CORO2B: variants seen among roughly 807,000 people sequenced by gnomAD.
The protein encoded by CORO2B is coronin-2B.
Under a neutral mutation model 58.8 loss-of-function variants are expected in CORO2B, and 26 were observed. That is an observed-to-expected ratio of 0.44 (90% CI 0.32 to 0.61). The LOEUF is 0.61. Ranked by LOEUF, CORO2B falls within the 20% of genes least tolerant of loss-of-function variation. The pLI, the probability that CORO2B is intolerant of heterozygous loss-of-function variation, is 0.04. For missense variants in CORO2B, 460 were observed against 645.1 expected, an observed-to-expected ratio of 0.71 and a Z score of 3.11; for synonymous variants, 242 against 253.8, an observed-to-expected ratio of 0.95 and a Z score of 0.44.
chr15:68,570,125 T>C, the CORO2B span, among the ~76,000 whole-genome samples: 1 of 152,220 alleles, frequency 6.6e-6, no homozygotes, highest in Non-Finnish European at 1.5e-5. Context: ...CATATGTAGA[T>C]GACTAGGTGG....
At chr15:68,696,202 A>G (rs1350306314) in intron 3 of CORO2B, among the ~76,000 whole-genome samples, 1 of 150,462 alleles carries the variant, frequency 6.6e-6, no homozygotes, top group Admixed American at 6.7e-5. Context: ...GTGAGCTGTG[A>G]TTGTGCCACT....
intron 6 of CORO2B, 84 bp from the exon 7 acceptor site, chr15:68,714,475 C>A: frequency 2.0e-6 from 2 of 1,001,420 alleles, no homozygotes; most frequent in Non-Finnish European, 3.2e-6. Context: ...AAAGTAGTTG[C>A]CATCCTAAGA....
At chr15:68,606,573 T>C (rs1900130366) in intron 1 of CORO2B, among the ~76,000 whole-genome samples, 1 of 152,176 alleles carries the variant, frequency 6.6e-6, no homozygotes, top group Non-Finnish European at 1.5e-5. Flanking sequence ...TACCCCAAAT[T>C]CTGGCACATG....
chr15:68,640,339 A>G (rs1423472974), intron 1 of CORO2B, among the ~76,000 whole-genome samples: 1 of 152,170 alleles, frequency 6.6e-6, no homozygotes, highest in Non-Finnish European at 1.5e-5. Context: ...GTAACTGATA[A>G]TGGAGACATA....
chr15:68,650,776 A>G (rs554397473), intron 2 of CORO2B, among the ~76,000 whole-genome samples: 77 of 152,282 alleles, frequency 5.1e-4, no homozygotes, highest in African/African-American at 1.7e-3. Context: ...AACGTTTTGT[A>G]CTTTCGAAAA....
At chr15:68,640,519 A>G (rs1339311900) in intron 1 of CORO2B, among the ~76,000 whole-genome samples, 1 of 152,196 alleles carries the variant, frequency 6.6e-6, no homozygotes. Context: ...TTTAAAAAAA[A>G]AAAAAAGGTG....
At chr15:68,674,284 G>C (rs907165341) in intron 2 of CORO2B, among the ~76,000 whole-genome samples, 8 of 152,286 alleles carry the variant, frequency 5.3e-5, no homozygotes, top group Non-Finnish European at 8.8e-5. Context: ...TGGGGTCTGA[G>C]AGCTCCCTGC....
the CORO2B span, among the ~76,000 whole-genome samples, chr15:68,525,625 A>G: frequency 4.6e-5 from 7 of 152,336 alleles, no homozygotes; most frequent in South Asian, 1.4e-3. Context: ...AGCCTAATTC[A>G]TATCTATCCC....
At chr15:68,577,451 C>T (rs1190503773), upstream of CORO2B, among the ~76,000 whole-genome samples, 1 of 152,036 alleles carries the variant, frequency 6.6e-6, no homozygotes, top group Non-Finnish European at 1.5e-5. Context: ...GGGCCGGGGG[C>T]GGTTGCTCAT....
At chr15:68,701,760 A>G (rs975235917) in intron 3 of CORO2B, among the ~76,000 whole-genome samples, 3 of 152,062 alleles carry the variant, frequency 2.0e-5, no homozygotes, top group Admixed American at 2.0e-4. Context: ...CTGGGATTAC[A>G]GGCGTGAGCC....
At chr15:68,580,010 C>T (rs1209119580) in intron 1 of CORO2B, among the ~76,000 whole-genome samples, 1 of 152,204 alleles carries the variant, frequency 6.6e-6, no homozygotes, top group Non-Finnish European at 1.5e-5. Context: ...GATGATGGGG[C>T]AGTGGAAAGT....
At chr15:68,715,176 A>G (rs1596035922) in intron 7 of CORO2B, 39 bp from the exon 8 acceptor site, 2 of 1,578,722 alleles carry the variant, frequency 1.3e-6, no homozygotes, top group African/African-American at 2.7e-5. Context: ...TGCCCTCCCT[A>G]CCTGCCACCT....
intron 3 of CORO2B, among the ~76,000 whole-genome samples, chr15:68,708,352 T>A (rs2140324823): frequency 6.8e-6 from 1 of 148,046 alleles, no homozygotes; most frequent in South Asian, 2.1e-4. Context: ...CTTTCTTTTT[T>A]TCTTCTTTTT....
At chr15:68,638,444 A>G (rs2140266779) in intron 1 of CORO2B, among the ~76,000 whole-genome samples, 1 of 152,340 alleles carries the variant, frequency 6.6e-6, no homozygotes, top group Non-Finnish European at 1.5e-5. Context: ...ACTGATATTC[A>G]GACAGGTTGA....
At position 68,629,395 on chromosome 15, in the gene CORO2B, C is replaced by T. The variant is rs1482278258; in HGVS notation, c.16-15765C>T. Among the ~76,000 whole-genome samples, 6 of 152,300 alleles carry T rather than the reference C, an allele frequency of 3.9e-5. No homozygotes were observed. The East Asian group carries it at 9.6e-4, about 24-fold the overall frequency. ...GCTGATTCTGTTGGAGGAAGAGGCG[C>T]CTTTCTCTATTCTCACAAACGTGCC... On this transcript the variant is annotated intron_variant, in intron 1 of 11. Coordinates refer to ENST00000261861, the MANE Select transcript of CORO2B (RefSeq NM_006091.5).
At chr15:68,610,800 A>G (rs907208117) in intron 1 of CORO2B, among the ~76,000 whole-genome samples, 1 of 152,188 alleles carries the variant, frequency 6.6e-6, no homozygotes, top group Admixed American at 6.5e-5. Context: ...AGTCCAGAAT[A>G]TTCACATAGA....
In CORO2B at chr15:68,697,250, G is replaced by T. The variant is rs112744362; in HGVS notation, c.333+1994G>T. ...GATGGATGGATGGATGGATTGTTGG[G>T]TGTATGACTACATTGATGGATAGAG... On this transcript the variant is annotated intron_variant, in intron 3 of 11. Transcript: ENST00000261861. 7.1e-3 allele frequency among the ~76,000 whole-genome samples: 1,070 copies of T among 151,424 alleles called. 18 individuals are homozygous for T. Among genetic ancestry groups the T allele is most frequent in the African/African-American group, 0.025 (1,016 of 40,834 alleles).
At position 68,631,948 on chromosome 15, in the gene CORO2B, C is replaced by T. The variant is rs373220035; in HGVS notation, c.16-13212C>T. The T allele has an allele frequency of 5.4e-5, 53 of 985,494 alleles. 2 individuals are homozygous for T. The East Asian group carries it at 2.5e-3, about 46-fold the overall frequency. The allele number at this position is 985,494 out of a possible 1,614,324, so 61.0% of individuals were successfully genotyped here. On this transcript the variant is annotated intron_variant, in intron 1 of 11. Coordinates refer to ENST00000261861, the MANE Select transcript of CORO2B (RefSeq NM_006091.5). ...CACCAGGGAGGGCCACATGCCATCCCTCAGCATCGCTGGAGTGGGCTCTCT... is the reference window on the plus strand; with the variant it reads ...CACCAGGGAGGGCCACATGCCATCCTTCAGCATCGCTGGAGTGGGCTCTCT...
intron 3 of CORO2B, among the ~76,000 whole-genome samples, chr15:68,700,123 G>A (rs1417817437): frequency 2.0e-5 from 3 of 152,158 alleles, no homozygotes; most frequent in Admixed American, 6.5e-5. Flanking sequence ...TGAGGCATCG[G>A]CCACCGAGGC....
Sources: allele counts gnomAD v4.1 joint callset (sites outside exome capture counted in the v4.1 genomes callset), GRCh38; gene constraint gnomAD v4.1.1; transcripts MANE v1.5; gene names NCBI Gene and HGNC (gene_info 2026-07-23, HGNC 2026-07-21).